Variants in GRHL2 observed in about 807,000 individuals in gnomAD.
GRHL2 encodes grainyhead-like protein 2 homolog.
Under a neutral mutation model 83.8 loss-of-function variants are expected in GRHL2, and 21 were observed. That is an observed-to-expected ratio of 0.25 (90% CI 0.18 to 0.36). The LOEUF (loss-of-function observed/expected upper bound fraction) is 0.36. Among genes scored for constraint, GRHL2 ranks in the 10% least tolerant of loss-of-function variants. GRHL2 has a pLI of 1.00. For missense variants in GRHL2, 623 were observed against 781.8 expected, an observed-to-expected ratio of 0.80 and a Z score of 2.42; for synonymous variants, 280 against 278.9, an observed-to-expected ratio of 1.00 and a Z score of -0.04.
At chr8:101,617,828 G>A (rs372805787) in intron 8 of GRHL2, among the ~76,000 whole-genome samples, 7 of 152,204 alleles carry the variant, frequency 4.6e-5, no homozygotes, top group East Asian at 1.9e-4. Flanking sequence ...CATGCAGTCC[G>A]TTTCTCATGG....
chr8:101,547,490 G>C (rs1015295938), intron 2 of GRHL2, among the ~76,000 whole-genome samples: 3 of 152,224 alleles, frequency 2.0e-5, no homozygotes, highest in Non-Finnish European at 1.5e-5. Context: ...GGTGGTCCCT[G>C]TCCTGTGAAC....
chr8:101,576,500 A>G (rs914582300), intron 6 of GRHL2, among the ~76,000 whole-genome samples: 7 of 152,158 alleles, frequency 4.6e-5, no homozygotes, highest in Non-Finnish European at 7.3e-5. Flanking sequence ...GATTACAGGC[A>G]TGAGTCACCC....
At chr8:101,625,160 C>T (rs1813056842) in intron 9 of GRHL2, among the ~76,000 whole-genome samples, 1 of 151,876 alleles carries the variant, frequency 6.6e-6, no homozygotes, top group African/African-American at 2.4e-5. Flanking sequence ...TTGTAGAATC[C>T]CCCTCCATGA....
rs1260009046 is a variant in GRHL2, at chr8:101,669,288, AACAAG to A, written c.*2588_*2592del. 8.7e-6 allele frequency: 1 copy of A among 114,962 alleles called. No individual in the cohort carries two copies. The highest frequency in any genetic ancestry group is 1.8e-5 in the Non-Finnish European group (1 of 55,990). 7.1% of individuals were successfully genotyped at this position (114,962 alleles called of 1,614,324 possible). A position where few individuals can be genotyped will look rare whatever the true frequency, so the allele number is the denominator to read the frequency against. On this transcript the variant is annotated 3_prime_UTR_variant, in exon 16 of 16. Coordinates refer to ENST00000646743, the MANE Select transcript of GRHL2 (RefSeq NM_024915.4). Reference sequence around the variant, plus strand: ...TTTTAACAAAGTCTGAACTGAACAGAACAAGACTTTTTCCTCATACATCTCCAAAT... The same window carrying A: ...TTTTAACAAAGTCTGAACTGAACAGAACTTTTTCCTCATACATCTCCAAAT...
chr8:101,677,989 T>A, the GRHL2 span, among the ~76,000 whole-genome samples: 1 of 152,252 alleles, frequency 6.6e-6, no homozygotes, highest in African/African-American at 2.4e-5. Context: ...AGACTCAACA[T>A]TTTTTTCTCT....
rs1220538086 is a variant in GRHL2, at chr8:101,560,378, T to C, written c.678+1566T>C. Among the ~76,000 whole-genome samples the C allele has an allele frequency of 2.6e-5, 4 of 152,336 alleles. No homozygotes were observed. In the East Asian group the frequency reaches 5.8e-4, roughly 22 times the overall value. ...TTTAAAGTTGCTGAGTAGTATTTCA[T>C]AGTGAGTGTATACCACTATAGCTAG... On this transcript the variant is annotated intron_variant, in intron 4 of 15. Transcript: ENST00000646743.
At chr8:101,573,860 A>T in intron 6 of GRHL2, 36 bp downstream of exon 6, 9 of 1,612,116 alleles carry the variant, frequency 5.6e-6, no homozygotes, top group Non-Finnish European at 7.6e-6. Flanking sequence ...GTACAAAGGA[A>T]TCCGATGAAC....
chr8:101,681,080 G>A, the GRHL2 span, among the ~76,000 whole-genome samples: 7 of 143,618 alleles, frequency 4.9e-5, no homozygotes, highest in Non-Finnish European at 7.5e-5. Flanking sequence ...TAAAATCAGA[G>A]CAGAACTGAA....
chr8:101,545,631 A>T (rs766294051), intron 2 of GRHL2, among the ~76,000 whole-genome samples: 1 of 151,918 alleles, frequency 6.6e-6, no homozygotes, highest in African/African-American at 2.4e-5. Context: ...TTCAAAATGT[A>T]TTGAGGATAG....
rs773983747 is a variant in GRHL2 at position 101,570,319 on chromosome 8, C to T, written c.679-20C>T. On this transcript the variant is annotated intron_variant, in intron 4 of 15. Coordinates refer to ENST00000646743, the MANE Select transcript of GRHL2 (RefSeq NM_024915.4). ...ATGACTTACCTATTTGTTTTAATTCCGATGACTCATATTTTGCAGAAATTT... is the reference window on the plus strand; with the variant it reads ...ATGACTTACCTATTTGTTTTAATTCTGATGACTCATATTTTGCAGAAATTT... 50 of 1,603,138 alleles carry T rather than the reference C, an allele frequency of 3.1e-5. No homozygotes were observed. Among genetic ancestry groups the T allele is most frequent in the South Asian group, 2.5e-4 (23 of 90,848 alleles).
chr8:101,626,798 C>T (rs1039405244), intron 9 of GRHL2, among the ~76,000 whole-genome samples: 1 of 152,010 alleles, frequency 6.6e-6, no homozygotes, highest in African/African-American at 2.4e-5. Flanking sequence ...AGAATATTTT[C>T]TAAAAGTCTG....
intron 5 of GRHL2, among the ~76,000 whole-genome samples, chr8:101,572,271 T>G (rs1207315550): frequency 6.6e-6 from 1 of 152,194 alleles, no homozygotes; most frequent in African/African-American, 2.4e-5. Flanking sequence ...TTGAAATTGC[T>G]TTTTCAGACA....
chr8:101,590,532 G>A (rs1024456184), intron 7 of GRHL2, among the ~76,000 whole-genome samples: 1 of 152,204 alleles, frequency 6.6e-6, no homozygotes. Context: ...AGACTAGCAG[G>A]GCCCAGTTCT....
chr8:101,512,208 T>C (rs1404570323), intron 1 of GRHL2, among the ~76,000 whole-genome samples: 2 of 152,080 alleles, frequency 1.3e-5, no homozygotes, highest in East Asian at 3.8e-4. Flanking sequence ...AAAACCTGAT[T>C]TGAGAGTGAG....
At chr8:101,673,273 C>A (rs1255912409), downstream of GRHL2, among the ~76,000 whole-genome samples, 10 of 152,082 alleles carry the variant, frequency 6.6e-5, no homozygotes, top group South Asian at 2.1e-3. Flanking sequence ...TGGATAGAGT[C>A]AAGACCCATC....
chr8:101,584,134 A>T (rs1049453888), intron 7 of GRHL2, among the ~76,000 whole-genome samples: 7 of 152,236 alleles, frequency 4.6e-5, no homozygotes, highest in Non-Finnish European at 7.3e-5. Flanking sequence ...TCTGTCTTCA[A>T]TGTTGGTTCA....
chr8:101,517,249 C>T (rs752741755), intron 1 of GRHL2, among the ~76,000 whole-genome samples: 15 of 152,154 alleles, frequency 9.9e-5, no homozygotes, highest in African/African-American at 1.4e-4. Context: ...CAGTCTTCTC[C>T]CTGCCCCCTT....
chr8:101,627,648 G>GA (rs2130388767), intron 9 of GRHL2, among the ~76,000 whole-genome samples: 1 of 152,244 alleles, frequency 6.6e-6, no homozygotes, highest in East Asian at 1.9e-4. Flanking sequence ...TAAGCTTAGG[G>GA]AGGAAGGCAT....
intron 9 of GRHL2, among the ~76,000 whole-genome samples, chr8:101,625,435 T>C (rs1275865526): frequency 6.6e-6 from 1 of 152,124 alleles, no homozygotes; most frequent in Non-Finnish European, 1.5e-5. Context: ...AGAGGGACTT[T>C]AAGACACTAA....
Sources: allele counts gnomAD v4.1 joint callset (sites outside exome capture counted in the v4.1 genomes callset), GRCh38; gene constraint gnomAD v4.1.1; transcripts MANE v1.5; gene names NCBI Gene and HGNC (gene_info 2026-07-23, HGNC 2026-07-21).